Variants in CNTLN observed in about 807,000 individuals in gnomAD.
The protein encoded by CNTLN is centlein.
CNTLN carries 212 observed loss-of-function variants against 180.0 expected under a neutral mutation model. The observed-to-expected ratio is 1.18, with a 90% CI of 1.05 to 1.32. The LOEUF is 1.32. Among genes scored for constraint, CNTLN ranks in the 40% most tolerant of loss-of-function variants. The pLI is 0.00. For synonymous variants in CNTLN, 722 were observed against 563.1 expected, an observed-to-expected ratio of 1.28 and a Z score of -3.99; for missense variants, 2,095 against 1,610.9, an observed-to-expected ratio of 1.30 and a Z score of -5.14.
chr9:17,477,660 A>G (rs900814221), intron 23 of CNTLN, among the ~76,000 whole-genome samples: 1 of 152,230 alleles, frequency 6.6e-6, no homozygotes, highest in Non-Finnish European at 1.5e-5. Context: ...GGAGCCCAAT[A>G]TGTGACTGAA....
intron 19 of CNTLN, among the ~76,000 whole-genome samples, chr9:17,459,625 A>G (rs184084686): frequency 2.0e-5 from 3 of 151,878 alleles, no homozygotes; most frequent in Admixed American, 6.6e-5. Flanking sequence ...TAGCAAACGT[A>G]TATATTATTC....
At chr9:17,188,237 T>G (rs1424289582) in intron 2 of CNTLN, among the ~76,000 whole-genome samples, 1 of 151,952 alleles carries the variant, frequency 6.6e-6, no homozygotes, top group Admixed American at 6.6e-5. Context: ...TCAATGTTTG[T>G]GAGAGAAGGC....
intron 12 of CNTLN, among the ~76,000 whole-genome samples, chr9:17,360,840 G>A (rs910194822): frequency 1.3e-5 from 2 of 152,200 alleles, no homozygotes; most frequent in African/African-American, 4.8e-5. Flanking sequence ...AGCCCAGCAT[G>A]TGGTCTTATC....
At chr9:17,494,812 T>C (rs1833359281) in intron 25 of CNTLN, 1 of 376,194 alleles carries the variant, frequency 2.7e-6, no homozygotes, top group Non-Finnish European at 5.1e-6. Flanking sequence ...AATTATGTAC[T>C]GCACATAATA....
At chr9:17,208,629 G>C (rs1823083235) in intron 2 of CNTLN, among the ~76,000 whole-genome samples, 1 of 152,194 alleles carries the variant, frequency 6.6e-6, no homozygotes, top group South Asian at 2.1e-4. Flanking sequence ...TTTTGTTATG[G>C]CTTCAATCTT....
At chr9:17,388,038 C>A in intron 13 of CNTLN, 124 bp from the exon 14 acceptor site, 2 of 481,686 alleles carry the variant, frequency 4.2e-6, no homozygotes, top group African/African-American at 2.0e-5. Context: ...TGGCCAAATA[C>A]TTGACAAGAA....
intron 7 of CNTLN, among the ~76,000 whole-genome samples, chr9:17,308,788 C>T (rs1188660460): frequency 2.0e-5 from 3 of 151,882 alleles, no homozygotes; most frequent in East Asian, 1.9e-4. Context: ...CTATATTACA[C>T]TGGCTAATAA....
In CNTLN at chr9:17,395,043, C is replaced by A. The variant is rs201934878; in HGVS notation, c.2589C>A (p.Asp863Glu). The change falls in exon 15 of 26, where the codon GAC (aspartate) becomes GAA (glutamate). Residue 863 changes from aspartate (D) to glutamate (E), a missense_variant. Coordinates refer to ENST00000380647, the MANE Select transcript of CNTLN (RefSeq NM_017738.4). ...ATGTGTTTGAGAACCTCAGCAAGGA[C>A]GGCTGGGAGGATGTGAGTGAAAGCA... is the stretch of plus-strand genomic sequence containing the variant. ...MSNVFENLSK[D>E]GWEDVSESSS... 1.2e-6 allele frequency: 2 copies of A among 1,610,090 alleles called. No individual in the cohort carries two copies. Among genetic ancestry groups the A allele is most frequent in the Non-Finnish European group, 1.7e-6 (2 of 1,177,110 alleles).
chr9:17,455,947 G>A (rs757821166), intron 18 of CNTLN, among the ~76,000 whole-genome samples: 3 of 152,154 alleles, frequency 2.0e-5, no homozygotes, highest in Admixed American at 6.6e-5. Flanking sequence ...CCTATGAAGG[G>A]CTTTGATTAA....
intron 2 of CNTLN, among the ~76,000 whole-genome samples, chr9:17,163,671 A>C (rs1168933301): frequency 1.3e-5 from 2 of 152,222 alleles, no homozygotes; most frequent in African/African-American, 4.8e-5. Context: ...TGATATTATA[A>C]TACAAGGTAG....
chr9:17,391,515 G>T (rs533333619), intron 14 of CNTLN, among the ~76,000 whole-genome samples: 2 of 152,104 alleles, frequency 1.3e-5, no homozygotes, highest in African/African-American at 4.8e-5. Flanking sequence ...GACATACTTT[G>T]GTGTGTTGTA....
rs1176814681 is a variant in CNTLN at position 17,359,725 on chromosome 9, C to CAAAAAAAA, written c.1887-6874_1887-6867dup. Among the ~76,000 whole-genome samples the CAAAAAAAA allele has an allele frequency of 3.3e-3, 70 of 21,328 alleles. 4 individuals carry two copies. Among genetic ancestry groups the CAAAAAAAA allele is most frequent in the African/African-American group, 8.4e-3 (68 of 8,050 alleles). 14.0% of individuals were successfully genotyped at this position (21,328 alleles called of 152,430 possible). A position where few individuals can be genotyped will look rare whatever the true frequency, so the allele number is the denominator to read the frequency against. On this transcript the variant is annotated intron_variant, in intron 12 of 25. Transcript: ENST00000380647. ...TGAAACTCCGTCTATACTAAAAATA[C>CAAAAAAAA]AAAAAAAAAAAAAAAAAAAAAAAAA... is the stretch of plus-strand genomic sequence containing the variant.
chr9:17,527,376 G>T, the CNTLN span, among the ~76,000 whole-genome samples: 1 of 152,186 alleles, frequency 6.6e-6, no homozygotes, highest in Non-Finnish European at 1.5e-5. Context: ...AACTTTTCAA[G>T]CAGGCTATAC....
At chr9:17,243,078 A>C (rs369550334) in intron 5 of CNTLN, among the ~76,000 whole-genome samples, 13 of 152,150 alleles carry the variant, frequency 8.5e-5, no homozygotes, top group African/African-American at 2.7e-4. Flanking sequence ...GTATGTGTCT[A>C]TGAATTTGTC....
the CNTLN span, among the ~76,000 whole-genome samples, chr9:17,522,205 T>C: frequency 1.3e-5 from 2 of 152,216 alleles, no homozygotes; most frequent in South Asian, 2.1e-4. Context: ...GTATAGTGCC[T>C]GCCACATAGT....
At chr9:17,265,329 A>G (rs562627780) in intron 5 of CNTLN, among the ~76,000 whole-genome samples, 7 of 152,250 alleles carry the variant, frequency 4.6e-5, no homozygotes, top group South Asian at 4.2e-4. Context: ...TTCTGTTTAT[A>G]TGCTGGATTA....
the CNTLN span, among the ~76,000 whole-genome samples, chr9:17,512,937 G>C: frequency 2.6e-5 from 4 of 151,954 alleles, no homozygotes; most frequent in South Asian, 2.1e-4. Flanking sequence ...CTGCCTCAGC[G>C]TCCCGAGTAG....
chr9:17,409,419 A>G lies in CNTLN; in HGVS notation c.2742A>G (p.Thr914=). 6.2e-7 allele frequency: 1 copy of G among 1,613,250 alleles called. No homozygotes were observed. The highest frequency in any genetic ancestry group is 8.5e-7 in the Non-Finnish European group (1 of 1,179,630). ...GTGATCCAACAGAAGACAGCCAAAC[A>G]CAAGGAAAAGAAATAGTACAGACAT... ...KESDPTEDSQ[T]QGKEIVQTYL... The change falls in exon 16 of 26, where the codon ACA becomes ACG. Residue 914 remains threonine (T), a synonymous_variant. Coordinates refer to ENST00000380647, the MANE Select transcript of CNTLN (RefSeq NM_017738.4).
At chr9:17,135,669 G>A (rs539552625) in intron 1 of CNTLN, among the ~76,000 whole-genome samples, 1 of 152,296 alleles carries the variant, frequency 6.6e-6, no homozygotes, top group Non-Finnish European at 1.5e-5. Flanking sequence ...GCCCGGGTTT[G>A]GTTTTGGTCA....
Sources: gnomAD v4.1 joint callset for allele counts (sites outside exome capture counted in the v4.1 genomes callset) on GRCh38, gnomAD v4.1.1 for gene constraint, MANE v1.5 for transcripts, NCBI Gene and HGNC (gene_info 2026-07-23, HGNC 2026-07-21) for gene names.